LINGO1: variants seen among roughly 807,000 people sequenced by gnomAD.
LINGO1 encodes leucine-rich repeat and immunoglobulin-like domain-containing nogo receptor-interacting protein 1.
LINGO1 carries 11 observed loss-of-function variants against 37.3 expected under a neutral mutation model. The observed-to-expected ratio is 0.29, with a 90% confidence interval of 0.19 to 0.49. The LOEUF is 0.49. Ranked by LOEUF, LINGO1 falls within the 20% of genes least tolerant of loss-of-function variation. The probability of loss-of-function intolerance (pLI) is 0.99; values close to 1 mark genes in which losing one functional copy is unlikely to be tolerated. For missense variants in LINGO1, 585 were observed against 878.2 expected, an observed-to-expected ratio of 0.67 and a Z score of 4.22; for synonymous variants, 387 against 403.0, an observed-to-expected ratio of 0.96 and a Z score of 0.48.
chr15:77,692,375 G>C (rs1421385655), intron 1 of LINGO1, among the ~76,000 whole-genome samples: 1 of 152,232 alleles, frequency 6.6e-6, no homozygotes, highest in African/African-American at 2.4e-5. Flanking sequence ...CAAGGGGGCA[G>C]GGAGGGAGTG....
At chr15:77,663,898 T>C (rs1258590352) in intron 3 of LINGO1, among the ~76,000 whole-genome samples, 1 of 151,960 alleles carries the variant, frequency 6.6e-6, no homozygotes, top group Non-Finnish European at 1.5e-5. Flanking sequence ...AAGAGTGAGG[T>C]CACCTGGACA....
rs534043953 is a variant in LINGO1 at position 77,716,417 on chromosome 15, A to G, written c.-195+18575T>C. ...CATCCAAGCCTCGCAAGTAGCTAGGACTACAGGTGTGCACCAGCACACCCA... is the reference window on the plus strand; with the variant it reads ...CATCCAAGCCTCGCAAGTAGCTAGGGCTACAGGTGTGCACCAGCACACCCA... On this transcript the variant is annotated intron_variant, in intron 2 of 3. Transcript: ENST00000561686. Among the ~76,000 whole-genome samples the G allele has an allele frequency of 7.4e-5, 11 of 148,858 alleles. 1 individual carries two copies. In the South Asian group the frequency reaches 2.4e-3, roughly 33 times the overall value.
intron 1 of LINGO1, among the ~76,000 whole-genome samples, chr15:77,770,224 G>C (rs1036843996): frequency 1.3e-5 from 2 of 152,108 alleles, no homozygotes; most frequent in African/African-American, 4.8e-5. Flanking sequence ...CACTGGGTGG[G>C]GCTCTACTGA....
At chr15:77,786,778 T>C (rs4442775) in intron 1 of LINGO1, 85,223 of 152,230 alleles carry the variant, frequency 0.56, 23,883 homozygotes, top group South Asian at 0.62. Flanking sequence ...TCTCCAGTTC[T>C]TCTTTGCTTA....
At chr15:77,798,020 C>T (rs2076887236) in intron 1 of LINGO1, among the ~76,000 whole-genome samples, 1 of 152,156 alleles carries the variant, frequency 6.6e-6, no homozygotes, top group Non-Finnish European at 1.5e-5. Flanking sequence ...GCTTTCCAAT[C>T]CTGACAACAG....
At chr15:77,767,868 A>G (rs1384200544) in intron 1 of LINGO1, among the ~76,000 whole-genome samples, 1 of 152,238 alleles carries the variant, frequency 6.6e-6, no homozygotes, top group Non-Finnish European at 1.5e-5. Context: ...GGTGGAAGCT[A>G]AATCCTCAGC....
At chr15:77,785,203 A>AGG (rs1259915374) in intron 1 of LINGO1, 4 of 152,226 alleles carry the variant, frequency 2.6e-5, no homozygotes, top group Non-Finnish European at 2.9e-5. Context: ...TGCTCCACCA[A>AGG]GGGTGAGCCT....
intron 1 of LINGO1, among the ~76,000 whole-genome samples, chr15:77,629,725 G>C (rs76251206): frequency 6.6e-6 from 1 of 152,206 alleles, no homozygotes; most frequent in Non-Finnish European, 1.5e-5. Flanking sequence ...AGGGCAAAAG[G>C]AAGGGTACTA....
At chr15:77,806,297 C>T (rs573769335) in intron 1 of LINGO1, among the ~76,000 whole-genome samples, 4 of 152,228 alleles carry the variant, frequency 2.6e-5, no homozygotes, top group Admixed American at 6.5e-5. Flanking sequence ...GATTCCTCTC[C>T]GATTCCAATT....
At chr15:77,756,493 C>G (rs983735307) in intron 1 of LINGO1, among the ~76,000 whole-genome samples, 13 of 142,784 alleles carry the variant, frequency 9.1e-5, no homozygotes, top group South Asian at 2.1e-4. Context: ...CAGACACACA[C>G]ACACACACAC....
intron 2 of LINGO1, among the ~76,000 whole-genome samples, chr15:77,720,430 G>A (rs902585422): frequency 1.3e-5 from 2 of 152,210 alleles, no homozygotes; most frequent in East Asian, 1.9e-4. Flanking sequence ...CAGGCCACCC[G>A]GCAGCAGGTC....
intron 2 of LINGO1, among the ~76,000 whole-genome samples, chr15:77,728,100 C>T (rs1312404101): frequency 6.6e-6 from 1 of 152,248 alleles, no homozygotes; most frequent in African/African-American, 2.4e-5. Context: ...GTGTCTCCTC[C>T]CCCAGTCCAG....
At chr15:77,738,928 G>A (rs1448092140) in intron 1 of LINGO1, among the ~76,000 whole-genome samples, 3 of 152,262 alleles carry the variant, frequency 2.0e-5, no homozygotes, top group African/African-American at 7.2e-5. Flanking sequence ...CAGAGGGCAT[G>A]CCCAGCAGGC....
At chr15:77,629,322 T>G (rs1432654696) in intron 1 of LINGO1, among the ~76,000 whole-genome samples, 1 of 144,658 alleles carries the variant, frequency 6.9e-6, no homozygotes. Flanking sequence ...TCATTCATTC[T>G]TCCACAACCA....
chr15:77,688,532 C>T (rs746773528), intron 2 of LINGO1, among the ~76,000 whole-genome samples: 26 of 152,262 alleles, frequency 1.7e-4, no homozygotes, highest in African/African-American at 3.4e-4. Context: ...CTGGGGCCAC[C>T]GCGGCAGGCT....
intron 1 of LINGO1, among the ~76,000 whole-genome samples, chr15:77,625,449 G>A (rs1269491105): frequency 6.6e-6 from 1 of 152,152 alleles, no homozygotes; most frequent in African/African-American, 2.4e-5. Flanking sequence ...TAACTTGCTC[G>A]GGGTCAGTGT....
intron 1 of LINGO1, among the ~76,000 whole-genome samples, chr15:77,695,565 A>G (rs2075677666): frequency 6.6e-6 from 1 of 152,198 alleles, no homozygotes; most frequent in Admixed American, 6.5e-5. Flanking sequence ...CTCCCCAATC[A>G]TTAAAGGCAT....
intron 3 of LINGO1, among the ~76,000 whole-genome samples, chr15:77,652,998 G>A (rs1243355795): frequency 6.6e-6 from 1 of 152,208 alleles, no homozygotes; most frequent in Non-Finnish European, 1.5e-5. Flanking sequence ...TCCTATTTGA[G>A]CCACCTCAGA....
chr15:77,712,613 C>T (rs2075932163), intron 2 of LINGO1, among the ~76,000 whole-genome samples: 1 of 152,194 alleles, frequency 6.6e-6, no homozygotes, highest in South Asian at 2.1e-4. Flanking sequence ...ACCTCACCTC[C>T]CCACTCTCCA....
Sources: allele counts gnomAD v4.1 joint callset (sites outside exome capture counted in the v4.1 genomes callset), GRCh38; gene constraint gnomAD v4.1.1; transcripts MANE v1.5; gene names NCBI Gene and HGNC (gene_info 2026-07-23, HGNC 2026-07-21).